The following MIB2 variants were observed in gnomAD, a reference collection of about 807,000 sequenced individuals.
MIB2 encodes E3 ubiquitin-protein ligase MIB2.
A neutral mutation model predicts 96.6 loss-of-function variants in MIB2; 78 were observed. The ratio of observed to expected loss-of-function variants is 0.81; its 90% CI spans 0.67 to 0.97. The LOEUF is 0.97. Ranked by LOEUF, MIB2 falls within the 50% of genes least tolerant of loss-of-function variation. The pLI, the probability that MIB2 is intolerant of heterozygous loss-of-function variation, is 0.00. For missense variants in MIB2, 1,543 were observed against 1,424.0 expected (o/e 1.08, Z -1.35); for synonymous variants, 820 against 629.5 (o/e 1.30, Z -4.53).
chr1:1,629,412 C>G lies in MIB2; in HGVS notation c.2409C>G (p.Ala803=). The change falls in exon 18 of 20, where the codon GCC becomes GCG. Residue 803 remains alanine (A), a synonymous_variant. Coordinates refer to ENST00000355826, the MANE Select transcript of MIB2 (RefSeq NM_001170687.4). ...AGCGGCAGGCGGGCGGGGGCGCGGC[C>G]CCGGGCCCCAGGCAAACGCTCGGGA... The part of the protein sequence containing the change: ...FRERQAGGGA[A]PGPRQTLGTP... 6.8e-7 allele frequency: 1 copy of G among 1,472,242 alleles called. No individual in the cohort carries two copies. The highest frequency in any genetic ancestry group is 8.9e-7 in the Non-Finnish European group (1 of 1,121,990). The allele number at this position is 1,472,242 out of a possible 1,614,324, so 91.2% of individuals were successfully genotyped here. A position where few individuals can be genotyped will look rare whatever the true frequency, so the allele number is the denominator to read the frequency against.
In MIB2 at chr1:1,626,489, C is replaced by G; in HGVS notation, c.973-161C>G. The G allele has an allele frequency of 1.6e-6, 1 of 624,892 alleles. No homozygotes were observed. Among genetic ancestry groups the G allele is most frequent in the Non-Finnish European group, 2.8e-6 (1 of 363,558 alleles). The allele number at this position is 624,892 out of a possible 1,614,324, so 38.7% of individuals were successfully genotyped here. A position where few individuals can be genotyped will look rare whatever the true frequency, so the allele number is the denominator to read the frequency against. ...GGCTGCCTTGGACACCTGGGGCTCT[C>G]GTCCAGCCAGAGCCTCTGGCAGTGC... On this transcript the variant is annotated intron_variant, in intron 8 of 19. Coordinates refer to ENST00000355826, the MANE Select transcript of MIB2 (RefSeq NM_001170687.4). The surrounding 1 kb of genome is among the most constrained non-coding windows in gnomAD (Gnocchi z 5.3).
chr1:1,626,610 C>T lies in MIB2; in HGVS notation c.973-40C>T, dbSNP rs1229032745. ...TGTTGCATGAGCCTGGGCAGCCACA[C>T]ACAGCTGGGGGGCCCCTCACGCCCC... On this transcript the variant is annotated intron_variant, in intron 8 of 19. Coordinates refer to ENST00000355826, the MANE Select transcript of MIB2 (RefSeq NM_001170687.4). The surrounding 1 kb of genome is among the most constrained non-coding windows in gnomAD (Gnocchi z 5.3). The T allele has an allele frequency of 6.8e-7, 1 of 1,478,656 alleles. No individual in the cohort carries two copies. Among genetic ancestry groups the T allele is most frequent in the Non-Finnish European group, 9.0e-7 (1 of 1,110,520 alleles). The allele number at this position is 1,478,656 out of a possible 1,614,324, so 91.6% of individuals were successfully genotyped here. A position where few individuals can be genotyped will look rare whatever the true frequency, so the allele number is the denominator to read the frequency against.
chr1:1,629,776 C>G, intron 19 of MIB2, 72 bp downstream of exon 19: 1 of 1,440,572 alleles, frequency 6.9e-7, no homozygotes, highest in Non-Finnish European at 9.3e-7. Flanking sequence ...TCCCCCACCC[C>G]TTCCCTCCCA....
At chr1:1,627,879 C>G (rs1003272506) in intron 13 of MIB2, 50 bp downstream of exon 13, 32 of 1,595,032 alleles carry the variant, frequency 2.0e-5, no homozygotes, top group Non-Finnish European at 2.6e-5. Context: ...AGTGCTTGTC[C>G]CTGGCCTGGG....
At chr1:1,627,920 C>T in intron 13 of MIB2, 91 bp downstream of exon 13, 2 of 1,599,410 alleles carry the variant, frequency 1.3e-6, no homozygotes, top group Non-Finnish European at 1.7e-6. Context: ...TGCTCCCTGG[C>T]CTGGGTGCCC....
intron 2 of MIB2, chr1:1,623,196 C>A: frequency 1.6e-6 from 1 of 634,602 alleles, no homozygotes; most frequent in Non-Finnish European, 2.6e-6. Flanking sequence ...GCCCAGACCA[C>A]CCTGCAGTTC....
At position 1,629,145 on chromosome 1, in the gene MIB2, G is replaced by C; in HGVS notation, c.2215G>C (p.Gly739Arg). The C allele has an allele frequency of 1.3e-6, 2 of 1,495,080 alleles. No homozygotes were observed. The highest frequency in any genetic ancestry group is 1.8e-6 in the Non-Finnish European group (2 of 1,131,116). The allele number at this position is 1,495,080 out of a possible 1,614,324, so 92.6% of individuals were successfully genotyped here. ...LQLLSRLQAS[G>R]LPGSAELTVG... ...TCCTGCCGCCCAGCTACAGGCCTCG[G>C]GCCTCCCCGGCAGCGCGGAGCTGAC... is the stretch of plus-strand genomic sequence containing the variant. Residue 739 changes from glycine to arginine, a missense_variant, in exon 17 of 20, where the codon GGC becomes CGC. Coordinates refer to ENST00000355826, the MANE Select transcript of MIB2 (RefSeq NM_001170687.4).
chr1:1,625,276 C>T lies in MIB2; in HGVS notation c.722-10C>T, dbSNP rs767949208. 5 of 1,594,124 alleles carry T rather than the reference C, an allele frequency of 3.1e-6. No homozygotes were observed. The highest frequency in any genetic ancestry group is 2.3e-5 in the East Asian group (1 of 43,996). ...CCGCTGCCTGAGGCCTGGTCTGCCA[C>T]CCTCCGCAGGCAAGCCGGCGGAGCT... On this transcript the variant is annotated splice_polypyrimidine_tract_variant and intron_variant, in intron 6 of 19. Transcript: ENST00000355826. This position sits in a 1 kb window ranked among gnomAD's most constrained non-coding sequence, Gnocchi z 5.0.
intron 16 of MIB2, 55 bp from the exon 17 acceptor site, chr1:1,629,078 C>T: frequency 1.4e-6 from 2 of 1,384,688 alleles, no homozygotes; most frequent in Non-Finnish European, 1.9e-6. Flanking sequence ...CAGGAGACGC[C>T]TCCCTCGGGC....
intron 2 of MIB2, chr1:1,623,096 T>C (rs1240219504): frequency 8.5e-6 from 4 of 471,520 alleles, no homozygotes; most frequent in African/African-American, 8.3e-5. Context: ...GCTCATTAAT[T>C]GGCTGTGGGA....
chr1:1,629,379 C>T lies in MIB2; in HGVS notation c.2382-6C>T, dbSNP rs759359273. 11 of 1,447,894 alleles carry T rather than the reference C, an allele frequency of 7.6e-6. No homozygotes were observed. Among genetic ancestry groups the T allele is most frequent in the South Asian group, 4.3e-5 (3 of 68,992 alleles). The allele number at this position is 1,447,894 out of a possible 1,614,324, so 89.7% of individuals were successfully genotyped here. A position where few individuals can be genotyped will look rare whatever the true frequency, so the allele number is the denominator to read the frequency against. ...GCCCCTCTCAAGCCGCCTCCTCCCC[C>T]TGCAGGGAGCGGCAGGCGGGCGGGG... On this transcript the variant is annotated splice_polypyrimidine_tract_variant and splice_region_variant and intron_variant, in intron 17 of 19. Coordinates refer to ENST00000355826, the MANE Select transcript of MIB2 (RefSeq NM_001170687.4).
At position 1,629,670 on chromosome 1, in the gene MIB2, G is replaced by A. The variant is rs757481134; in HGVS notation, c.2595G>A (p.Arg865=). 1.7e-5 allele frequency: 27 copies of A among 1,600,232 alleles called. No individual in the cohort carries two copies. Among genetic ancestry groups the A allele is most frequent in the African/African-American group, 2.7e-5 (2 of 74,026 alleles). ...ECARRMKKCI[R]CQVVVSKKLR... Reference sequence around the variant, plus strand: ...CGCGCAGGATGAAGAAGTGCATCAGGTGCCAGGTGGTCGTCAGCAAGAAAC... The same window carrying A: ...CGCGCAGGATGAAGAAGTGCATCAGATGCCAGGTGGTCGTCAGCAAGAAAC... The change falls in exon 19 of 20, where the codon AGG becomes AGA. Residue 865 remains arginine (R), a synonymous_variant. Coordinates refer to ENST00000355826, the MANE Select transcript of MIB2 (RefSeq NM_001170687.4).
At chr1:1,617,518 A>G (rs1368896470) in intron 2 of MIB2, 1 of 152,136 alleles carries the variant, frequency 6.6e-6, no homozygotes, top group Non-Finnish European at 1.5e-5. Flanking sequence ...TTAAGACGGT[A>G]AATGCTAAAT....
intron 4 of MIB2, 131 bp downstream of exon 4, chr1:1,624,076 G>T: frequency 8.5e-7 from 1 of 1,183,308 alleles, no homozygotes. Context: ...CAGAGCCGTG[G>T]CCTTAAGCAG....
At position 1,630,335 on chromosome 1, in the gene MIB2, G is replaced by A; in HGVS notation, c.2673G>A (p.Pro891=). 6.7e-7 allele frequency: 1 copy of A among 1,489,320 alleles called. No homozygotes were observed. The highest frequency in any genetic ancestry group is 8.9e-7 in the Non-Finnish European group (1 of 1,122,878). 92.3% of individuals were successfully genotyped at this position (1,489,320 alleles called of 1,614,324 possible). A position where few individuals can be genotyped will look rare whatever the true frequency, so the allele number is the denominator to read the frequency against. Reference sequence around the variant, plus strand: ...GCGCCGCCCCCGCCCCCGGCCCGCCGCGCCAGCTGGTGGAGGAGCTGCAGA... The same window carrying A: ...GCGCCGCCCCCGCCCCCGGCCCGCCACGCCAGCTGGTGGAGGAGCTGCAGA... ...VASAAPAPGP[P]RQLVEELQSR... Residue 891 remains proline (P), a synonymous_variant, in exon 20 of 20, where the codon CCG becomes CCA. Transcript: ENST00000355826.
Position 1,628,119 on chromosome 1 carries a change from C to G in MIB2, c.1781C>G (p.Thr594Ser). The G allele has an allele frequency of 6.2e-7, 1 of 1,613,396 alleles. No individual in the cohort carries two copies. ...ACGGAGGTGCCAAACATCGATGTTA[C>G]CGCCACCAACAGCCAGGGTTTCACC... ...VLTEVPNIDV[T>S]ATNSQGFTLL... Residue 594 changes from threonine to serine, a missense_variant, in exon 14 of 20, where the codon ACC (threonine) becomes AGC (serine). Coordinates refer to ENST00000355826, the MANE Select transcript of MIB2 (RefSeq NM_001170687.4).
At position 1,629,669 on chromosome 1, in the gene MIB2, G is replaced by A. The variant is rs1476052223; in HGVS notation, c.2594G>A (p.Arg865Lys). 1.2e-6 allele frequency: 2 copies of A among 1,600,026 alleles called. No individual in the cohort carries two copies. The highest frequency in any genetic ancestry group is 1.1e-5 in the South Asian group (1 of 89,394). ...ECARRMKKCI[R>K]CQVVVSKKLR... ...GCGCGCAGGATGAAGAAGTGCATCA[G>A]GTGCCAGGTGGTCGTCAGCAAGAAA... The change falls in exon 19 of 20, where the codon AGG (arginine) becomes AAG (lysine). Residue 865 changes from arginine to lysine, a missense_variant. Transcript: ENST00000355826.
upstream of MIB2, chr1:1,614,476 G>C (rs950180623): frequency 1.3e-5 from 2 of 152,234 alleles, no homozygotes; most frequent in African/African-American, 4.8e-5. Context: ...AACAACTTTT[G>C]TGAGCTCATC....
At chr1:1,621,962 CCTCACTG>C (rs1028507721) in intron 2 of MIB2, among the ~76,000 whole-genome samples, 5 of 152,240 alleles carry the variant, frequency 3.3e-5, no homozygotes, top group Non-Finnish European at 7.3e-5. Context: ...TGTGGCCCCT[CCTCACTG>C]CTCACCTGCA....
Sources: allele counts gnomAD v4.1 joint callset (sites outside exome capture counted in the v4.1 genomes callset), GRCh38; gene constraint gnomAD v4.1.1; non-coding constraint Gnocchi (gnomAD v3.1); transcripts MANE v1.5; gene names NCBI Gene and HGNC (gene_info 2026-07-23, HGNC 2026-07-21).